Variants in XIRP2 observed in about 807,000 individuals in gnomAD.
The protein encoded by XIRP2 is xin actin-binding repeat-containing protein 2.
In XIRP2, 236 loss-of-function variants were observed where a neutral mutation model predicts 277.0. That is an observed-to-expected ratio of 0.85 (90% CI 0.77 to 0.95). XIRP2 has a LOEUF of 0.95. Ranked by LOEUF, XIRP2 falls within the 40% of genes least tolerant of loss-of-function variation. XIRP2 has a pLI of 0.00. For missense variants in XIRP2, 4,640 were observed against 4,157.5 expected (o/e 1.12, Z -3.19); for synonymous variants, 1,490 against 1,416.5 (o/e 1.05, Z -1.17).
intron 3 of XIRP2, among the ~76,000 whole-genome samples, chr2:167,205,936 G>A (rs953056393): frequency 6.6e-6 from 1 of 152,052 alleles, no homozygotes; most frequent in East Asian, 1.9e-4. Flanking sequence ...CATGGTCTGT[G>A]TTTGACTTTT....
chr2:167,087,044 C>G (rs1305430854), intron 2 of XIRP2, among the ~76,000 whole-genome samples: 14 of 151,010 alleles, frequency 9.3e-5, no homozygotes, highest in Non-Finnish European at 1.8e-4. Flanking sequence ...TCCAGTTTTT[C>G]TGTTCTGTTT....
At chr2:167,229,352 A>G (rs1694691814) in intron 5 of XIRP2, among the ~76,000 whole-genome samples, 1 of 152,140 alleles carries the variant, frequency 6.6e-6, no homozygotes, top group Non-Finnish European at 1.5e-5. Flanking sequence ...TATGCTAATT[A>G]AATTTACTCT....
intron 3 of XIRP2, among the ~76,000 whole-genome samples, chr2:167,138,760 C>T (rs906124686): frequency 5.3e-5 from 8 of 152,160 alleles, no homozygotes; most frequent in Admixed American, 2.6e-4. Context: ...TTGTATTATA[C>T]TAATATAAAA....
chr2:167,240,580 C>A, intron 6 of XIRP2, 84 bp from the exon 7 acceptor site: 1 of 1,192,782 alleles, frequency 8.4e-7, no homozygotes, highest in Non-Finnish European at 1.2e-6. Flanking sequence ...GTGAAAATCA[C>A]TGTAAAATGA....
intron 3 of XIRP2, among the ~76,000 whole-genome samples, chr2:167,143,014 T>G (rs1011320375): frequency 6.6e-6 from 1 of 151,636 alleles, no homozygotes; most frequent in African/African-American, 2.4e-5. Flanking sequence ...GGAAGAGAAG[T>G]GGGAAAAATA....
At chr2:167,255,610 A>G (rs1447652768) in intron 10 of XIRP2, among the ~76,000 whole-genome samples, 2 of 151,818 alleles carry the variant, frequency 1.3e-5, no homozygotes, top group Non-Finnish European at 2.9e-5. Context: ...TGCCCTCCCC[A>G]TTTTATAAAT....
At chr2:167,137,702 A>G (rs1161864582) in intron 3 of XIRP2, among the ~76,000 whole-genome samples, 2 of 152,226 alleles carry the variant, frequency 1.3e-5, no homozygotes, top group Non-Finnish European at 2.9e-5. Flanking sequence ...GTAACCTCAA[A>G]TACACATTTC....
chr2:167,092,398 G>T (rs1437526271), intron 2 of XIRP2, among the ~76,000 whole-genome samples: 1 of 151,820 alleles, frequency 6.6e-6, no homozygotes, highest in Non-Finnish European at 1.5e-5. Context: ...TATGTCTCTG[G>T]CACACCCTGA....
intron 2 of XIRP2, among the ~76,000 whole-genome samples, chr2:167,116,389 T>A (rs1690896790): frequency 6.6e-6 from 1 of 152,196 alleles, no homozygotes; most frequent in Non-Finnish European, 1.5e-5. Flanking sequence ...ATTGGCAATG[T>A]TCCTTTCTGT....
At chr2:166,950,554 T>C (rs529210806) in intron 2 of XIRP2, among the ~76,000 whole-genome samples, 1 of 152,198 alleles carries the variant, frequency 6.6e-6, no homozygotes, top group East Asian at 1.9e-4. Context: ...TATTGTAGAA[T>C]AAAATCTAAA....
intron 2 of XIRP2, among the ~76,000 whole-genome samples, chr2:167,030,504 T>C (rs1688313602): frequency 1.3e-5 from 2 of 152,194 alleles, no homozygotes; most frequent in South Asian, 4.1e-4. Flanking sequence ...GTTGTTCAGT[T>C]TCCATGTAGT....
At chr2:167,040,781 C>G (rs757207228) in intron 2 of XIRP2, among the ~76,000 whole-genome samples, 23 of 152,212 alleles carry the variant, frequency 1.5e-4, no homozygotes, top group Non-Finnish European at 1.0e-4. Context: ...CTTTCACCTG[C>G]AGACCCTAGG....
chr2:167,240,662 A>G lies in XIRP2; in HGVS notation c.970-2A>G. 1 of 1,613,008 alleles carries G rather than the reference A, an allele frequency of 6.2e-7. No individual in the cohort carries two copies. Among genetic ancestry groups the G allele is most frequent in the East Asian group, 2.2e-5 (1 of 44,794 alleles). ...TTATTTTCAAATTCTCTTTAAATAC[A>G]GGTCTCTCATCTTGAAAAGCACACC... is the stretch of plus-strand genomic sequence containing the variant. On this transcript the variant is annotated splice_acceptor_variant, in intron 6 of 10. Coordinates refer to ENST00000409195, the MANE Select transcript of XIRP2 (RefSeq NM_152381.6). LOFTEE classifies it high-confidence loss of function.
intron 2 of XIRP2, among the ~76,000 whole-genome samples, chr2:167,077,976 G>A (rs1412821148): frequency 1.3e-5 from 2 of 152,146 alleles, no homozygotes; most frequent in South Asian, 2.1e-4. Context: ...TTTTGATTGC[G>A]TATGAATTTT....
intron 3 of XIRP2, among the ~76,000 whole-genome samples, chr2:167,205,452 A>C (rs1693827602): frequency 6.6e-6 from 1 of 152,202 alleles, no homozygotes; most frequent in East Asian, 1.9e-4. Context: ...ACCCGCAGCT[A>C]TTATTTTCCC....
intron 2 of XIRP2, among the ~76,000 whole-genome samples, chr2:167,041,087 A>G (rs539282987): frequency 8.4e-4 from 124 of 147,704 alleles, no homozygotes; most frequent in Middle Eastern, 6.8e-3. Flanking sequence ...GGAACCAGAG[A>G]AAAAAACCCA....
rs545083691 is a variant in XIRP2 at position 167,149,542 on chromosome 2, G to A, written c.562+13480G>A. ...TCAGTTGGAAATGGATAGACTAGTC[G>A]GTGAATTAGTACTTAGGCAATAGTC... On this transcript the variant is annotated intron_variant, in intron 3 of 10. Coordinates refer to ENST00000409195, the MANE Select transcript of XIRP2 (RefSeq NM_152381.6). Among the ~76,000 whole-genome samples the A allele has an allele frequency of 5.3e-5, 8 of 152,168 alleles. No individual in the cohort carries two copies. In the East Asian group the frequency reaches 7.7e-4, roughly 15 times the overall value.
intron 3 of XIRP2, among the ~76,000 whole-genome samples, chr2:167,139,066 C>CAA (rs965897487): frequency 1.4e-5 from 2 of 147,978 alleles, no homozygotes; most frequent in African/African-American, 5.0e-5. Flanking sequence ...GACTCTGTCT[C>CAA]AAAAAATATA....
At chr2:167,165,877 T>A (rs1458865899) in intron 3 of XIRP2, among the ~76,000 whole-genome samples, 1 of 152,222 alleles carries the variant, frequency 6.6e-6, no homozygotes, top group African/African-American at 2.4e-5. Context: ...TCATGGATTA[T>A]GTTATTGATG....
Sources: gnomAD v4.1 joint callset for allele counts (sites outside exome capture counted in the v4.1 genomes callset) on GRCh38, gnomAD v4.1.1 for gene constraint, MANE v1.5 for transcripts, NCBI Gene and HGNC (gene_info 2026-07-23, HGNC 2026-07-21) for gene names.